The following NUP155 variants were observed in gnomAD, a reference collection of about 807,000 sequenced individuals.
The protein encoded by NUP155 is nuclear pore complex protein Nup155.
A neutral mutation model predicts 180.4 loss-of-function variants in NUP155; 71 were observed. The ratio of observed to expected loss-of-function variants is 0.39; its 90% CI spans 0.33 to 0.48. The LOEUF (loss-of-function observed/expected upper bound fraction) is 0.48. Among genes scored for constraint, NUP155 ranks in the 20% least tolerant of loss-of-function variants. The probability of loss-of-function intolerance (pLI) is 0.91; values close to 1 mark genes in which losing one functional copy is unlikely to be tolerated. For missense variants in NUP155, 1,553 were observed against 1,648.9 expected (o/e 0.94, Z 1.01); for synonymous variants, 582 against 559.5 (o/e 1.04, Z -0.57).
In NUP155 at chr5:37,304,660, T is replaced by C. The variant is rs1327966821; in HGVS notation, c.3162+79A>G. Reference sequence around the variant, plus strand: ...GCATGGGATGAGAAACTGAATTTTTTACATCTATATATGTGCTTAAATCAT... The same window carrying C: ...GCATGGGATGAGAAACTGAATTTTTCACATCTATATATGTGCTTAAATCAT... On this transcript the variant is annotated intron_variant, in intron 27 of 34. Coordinates refer to ENST00000231498, the MANE Select transcript of NUP155 (RefSeq NM_153485.3). 6 of 1,020,564 alleles carry C rather than the reference T, an allele frequency of 5.9e-6. No homozygotes were observed. The East Asian group carries it at 9.5e-5, about 16-fold the overall frequency. 63.2% of individuals were successfully genotyped at this position (1,020,564 alleles called of 1,614,324 possible).
chr5:37,345,724 GA>G (rs757133996), intron 9 of NUP155, among the ~76,000 whole-genome samples: 11 of 151,902 alleles, frequency 7.2e-5, no homozygotes, highest in South Asian at 2.1e-4. Flanking sequence ...CCAGCATGGT[GA>G]AACCCTGTCT....
chr5:37,299,102 T>G (rs939969413), intron 31 of NUP155, 124 bp from the exon 32 acceptor site: 1 of 717,350 alleles, frequency 1.4e-6, no homozygotes, highest in Non-Finnish European at 2.5e-6. Context: ...TTAATATGAT[T>G]AACAGATTTG....
At position 37,304,735 on chromosome 5, in the gene NUP155, T is replaced by G. The variant is rs112800093; in HGVS notation, c.3162+4A>C. 1 of 1,578,098 alleles carries G rather than the reference T, an allele frequency of 6.3e-7. No individual in the cohort carries two copies. The highest frequency in any genetic ancestry group is 1.3e-5 in the African/African-American group (1 of 74,222). ...TAACACAACTGCAATAAAAAAAGAT[T>G]TACCTGTAGCAGCTTATCTGCAAGG... On this transcript the variant is annotated splice_donor_region_variant and intron_variant, in intron 27 of 34. Coordinates refer to ENST00000231498, the MANE Select transcript of NUP155 (RefSeq NM_153485.3).
intron 20 of NUP155, among the ~76,000 whole-genome samples, chr5:37,320,829 A>G (rs540871993): frequency 2.0e-5 from 3 of 152,364 alleles, no homozygotes; most frequent in Non-Finnish European, 4.4e-5. Context: ...GGATGGCAGT[A>G]GAAGGCAAGG....
chr5:37,292,326 C>T (rs1445546397), intron 34 of NUP155, among the ~76,000 whole-genome samples: 1 of 152,048 alleles, frequency 6.6e-6, no homozygotes, highest in Non-Finnish European at 1.5e-5. Flanking sequence ...CGCCATTCTC[C>T]TGCCTCAGCC....
intron 4 of NUP155, among the ~76,000 whole-genome samples, chr5:37,354,883 G>A (rs1469853190): frequency 6.6e-6 from 1 of 152,060 alleles, no homozygotes; most frequent in African/African-American, 2.4e-5. Flanking sequence ...CTTGAGGTCA[G>A]GAGTTCGAGA....
chr5:37,315,455 GA>G lies in NUP155; in HGVS notation c.2306-1128del, dbSNP rs1561778428. Reference sequence around the variant, plus strand: ...ACTTATAATTGATAAAAAGCACAATGAAATATTTGATTCATATTTTTAGCTC... The same window carrying G: ...ACTTATAATTGATAAAAAGCACAATGAATATTTGATTCATATTTTTAGCTC... On this transcript the variant is annotated intron_variant, in intron 21 of 34. Coordinates refer to ENST00000231498, the MANE Select transcript of NUP155 (RefSeq NM_153485.3). Among the ~76,000 whole-genome samples, 3 of 152,240 alleles carry G rather than the reference GA, an allele frequency of 2.0e-5. No homozygotes were observed. In the East Asian group the frequency reaches 5.8e-4, roughly 29 times the overall value.
intron 33 of NUP155, among the ~76,000 whole-genome samples, chr5:37,293,528 C>T (rs1218696223): frequency 6.6e-6 from 1 of 152,170 alleles, no homozygotes; most frequent in Non-Finnish European, 1.5e-5. Flanking sequence ...TGTGATGCTG[C>T]TATAAAAGAC....
At chr5:37,354,392 G>A (rs972198683) in intron 4 of NUP155, among the ~76,000 whole-genome samples, 3 of 151,220 alleles carry the variant, frequency 2.0e-5, no homozygotes, top group African/African-American at 4.9e-5. Context: ...TGATCCACCC[G>A]CCCCAGCCTC....
chr5:37,310,159 C>G (rs1478007379), intron 23 of NUP155, among the ~76,000 whole-genome samples: 1 of 151,990 alleles, frequency 6.6e-6, no homozygotes, highest in South Asian at 2.1e-4. Context: ...TGCAACAAAT[C>G]AGAACTTGTC....
At chr5:37,333,403 T>C in intron 13 of NUP155, 60 bp downstream of exon 13, 1 of 1,453,920 alleles carries the variant, frequency 6.9e-7, no homozygotes, top group Admixed American at 1.7e-5. Context: ...TTCAGAGAAC[T>C]TGACAAAAAT....
At chr5:37,354,457 CTTTTT>C (rs34505360) in intron 4 of NUP155, among the ~76,000 whole-genome samples, 7 of 115,040 alleles carry the variant, frequency 6.1e-5, no homozygotes, top group Admixed American at 9.3e-5. Context: ...TTTATTTCTT[CTTTTT>C]TTTTTTTTTT....
In NUP155 at chr5:37,309,280, A is replaced by T. The variant is rs781518993; in HGVS notation, c.2629-13T>A. On this transcript the variant is annotated splice_polypyrimidine_tract_variant and intron_variant, in intron 23 of 34. Coordinates refer to ENST00000231498, the MANE Select transcript of NUP155 (RefSeq NM_153485.3). The stretch of plus-strand genomic sequence containing the variant: ...GAAGCTCATTTGCCTAGAAGAGGAG[A>T]TAACAAGAACTTAAAAATATATAAA... 2 of 1,607,132 alleles carry T rather than the reference A, an allele frequency of 1.2e-6. No homozygotes were observed. Among genetic ancestry groups the T allele is most frequent in the Admixed American group, 3.4e-5 (2 of 59,672 alleles).
intron 11 of NUP155, among the ~76,000 whole-genome samples, chr5:37,338,531 C>A (rs375410784): frequency 2.0e-5 from 3 of 151,316 alleles, no homozygotes; most frequent in African/African-American, 7.3e-5. Context: ...CTCAGCCTCC[C>A]GAGTAGCTGG....
chr5:37,357,399 C>CAAAAAAAAAAAAAAAAAAAAAAAA (rs397997409), intron 4 of NUP155, among the ~76,000 whole-genome samples: 2 of 31,300 alleles, frequency 6.4e-5, no homozygotes, highest in African/African-American at 1.4e-4. Context: ...ACCTTAATCT[C>CAAAAAAAAAAAAAAAAAAAAAAAA]AAAAAAAAAA....
chr5:37,315,006 C>T lies in NUP155; in HGVS notation c.2306-678G>A, dbSNP rs185986138. Among the ~76,000 whole-genome samples, 212 of 152,104 alleles carry T rather than the reference C, an allele frequency of 1.4e-3. 3 individuals carry two copies. Among genetic ancestry groups the T allele is most frequent in the African/African-American group, 4.8e-3 (199 of 41,508 alleles). On this transcript the variant is annotated intron_variant, in intron 21 of 34. Coordinates refer to ENST00000231498, the MANE Select transcript of NUP155 (RefSeq NM_153485.3). The stretch of plus-strand genomic sequence containing the variant: ...CAGCACTTTGGGAGGCCGAGTTGGG[C>T]GGATCACCTGAGGTCATGAGTTCAA...
Position 37,324,052 on chromosome 5 carries a change from C to T in NUP155, c.2147G>A (p.Gly716Asp), listed in dbSNP as rs763690171. The change falls in exon 20 of 35, where the codon GGT (glycine) becomes GAT (aspartate). Residue 716 changes from glycine to aspartate, a missense_variant. Gly to Asp is a moderately conservative substitution (Grantham distance 94). Transcript: ENST00000231498. ...LLESVLQELK[G>D]LQEFLDRNSQ... ...GTTTCTGTCTAGAAATTCCTGCAAACCCTTTAGTTCTTGTAGCACTGACTC... is the reference window on the plus strand; with the variant it reads ...GTTTCTGTCTAGAAATTCCTGCAAATCCTTTAGTTCTTGTAGCACTGACTC... 3.7e-6 allele frequency: 6 copies of T among 1,613,860 alleles called. No homozygotes were observed. Among genetic ancestry groups the T allele is most frequent in the Non-Finnish European group, 5.1e-6 (6 of 1,179,868 alleles).
rs1300529369 is a variant in NUP155, at chr5:37,288,542, T to C, written c.*3358A>G. ...TTCAATGATTCTTCACTGCCCACAATTAACGCACTGTTTCATAGACTATGT... is the reference window on the plus strand; with the variant it reads ...TTCAATGATTCTTCACTGCCCACAACTAACGCACTGTTTCATAGACTATGT... On this transcript the variant is annotated 3_prime_UTR_variant, in exon 35 of 35. Coordinates refer to ENST00000231498, the MANE Select transcript of NUP155 (RefSeq NM_153485.3). 2 of 152,026 alleles carry C rather than the reference T, an allele frequency of 1.3e-5. No individual in the cohort carries two copies. Among genetic ancestry groups the C allele is most frequent in the Non-Finnish European group, 2.9e-5 (2 of 68,008 alleles). The allele number at this position is 152,026 out of a possible 1,614,324, so 9.4% of individuals were successfully genotyped here.
At chr5:37,370,333 T>C (rs934005323) in intron 1 of NUP155, among the ~76,000 whole-genome samples, 2 of 152,184 alleles carry the variant, frequency 1.3e-5, no homozygotes, top group African/African-American at 4.8e-5. Context: ...GATCGCGCCA[T>C]TGCACTTCAG....
Sources: allele counts gnomAD v4.1 joint callset (sites outside exome capture counted in the v4.1 genomes callset), GRCh38; gene constraint gnomAD v4.1.1; transcripts MANE v1.5; gene names NCBI Gene and HGNC (gene_info 2026-07-23, HGNC 2026-07-21).